FRAS1: variants seen among roughly 807,000 people sequenced by gnomAD.
The protein encoded by FRAS1 is Fraser extracellular matrix complex subunit 1, also known as extracellular matrix organizing protein FRAS1.
FRAS1 carries 290 observed loss-of-function variants against 435.2 expected under a neutral mutation model. The ratio of observed to expected loss-of-function variants is 0.67; its 90% confidence interval spans 0.61 to 0.73. FRAS1 has a LOEUF of 0.73. Among genes scored for constraint, FRAS1 ranks in the 30% least tolerant of loss-of-function variants. The probability of loss-of-function intolerance (pLI) is 0.00; values close to 1 mark genes in which losing one functional copy is unlikely to be tolerated. For synonymous variants in FRAS1, 1,800 were observed against 1,851.0 expected (o/e 0.97, Z 0.71); for missense variants, 4,860 against 5,001.5 (o/e 0.97, Z 0.85).
chr4:78,108,907 T>A (rs535966338), intron 2 of FRAS1, among the ~76,000 whole-genome samples: 2 of 118,762 alleles, frequency 1.7e-5, no homozygotes, highest in East Asian at 4.3e-4. Flanking sequence ...TAAAAAATGA[T>A]AAAGGGGATA....
intron 2 of FRAS1, among the ~76,000 whole-genome samples, chr4:78,151,426 C>T (rs1284526236): frequency 6.6e-6 from 1 of 152,076 alleles, no homozygotes; most frequent in Non-Finnish European, 1.5e-5. Flanking sequence ...CTCAGTGGAC[C>T]CTCTGTCTCA....
rs576736738 is a variant in FRAS1 at position 78,538,798 on chromosome 4, C to CA, written c.11299-489dup. Among the ~76,000 whole-genome samples, 202 of 151,848 alleles carry CA rather than the reference C, an allele frequency of 1.3e-3. 1 individual carries two copies. Among genetic ancestry groups the CA allele is most frequent in the African/African-American group, 4.3e-3 (179 of 41,438 alleles). On this transcript the variant is annotated intron_variant, in intron 72 of 73. Coordinates refer to ENST00000512123, the MANE Select transcript of FRAS1 (RefSeq NM_025074.7). ...TGAAACTCTGTCTTTACTAAAAATA[C>CA]AAAAAAATTAGCCTGGTGTGGTGGC... is the stretch of plus-strand genomic sequence containing the variant.
At chr4:78,449,252 C>T (rs920087622) in intron 44 of FRAS1, among the ~76,000 whole-genome samples, 1 of 152,130 alleles carries the variant, frequency 6.6e-6, no homozygotes, top group Non-Finnish European at 1.5e-5. Flanking sequence ...AGGGCCCAGA[C>T]AGACACTTTC....
chr4:78,398,131 C>A (rs1732747390), intron 29 of FRAS1, among the ~76,000 whole-genome samples: 1 of 152,112 alleles, frequency 6.6e-6, no homozygotes, highest in Non-Finnish European at 1.5e-5. Context: ...AATTATACTT[C>A]TTTTTCTTAG....
chr4:78,388,677 A>G (rs1000587590), intron 29 of FRAS1, among the ~76,000 whole-genome samples: 1 of 150,288 alleles, frequency 6.7e-6, no homozygotes, highest in Non-Finnish European at 1.5e-5. Context: ...GTGCAATGGC[A>G]TGCACCTATA....
chr4:78,491,481 A>G (rs1410003287), intron 59 of FRAS1, among the ~76,000 whole-genome samples: 5 of 152,240 alleles, frequency 3.3e-5, no homozygotes, highest in Admixed American at 1.3e-4. Context: ...CATCCCTGGG[A>G]TGCAAGGCTA....
chr4:78,322,841 T>G (rs1323986549), intron 18 of FRAS1, among the ~76,000 whole-genome samples: 1 of 152,208 alleles, frequency 6.6e-6, no homozygotes, highest in Non-Finnish European at 1.5e-5. Context: ...TGCCAGGCAT[T>G]TCTAGGCACT....
intron 29 of FRAS1, among the ~76,000 whole-genome samples, chr4:78,394,717 ATTTG>A (rs1220442696): frequency 1.3e-5 from 2 of 151,870 alleles, no homozygotes; most frequent in African/African-American, 4.8e-5. Flanking sequence ...GAATTTTAGG[ATTTG>A]TTTTTCTGTT....
intron 2 of FRAS1, among the ~76,000 whole-genome samples, chr4:78,225,468 G>A (rs998919714): frequency 6.6e-6 from 1 of 152,152 alleles, no homozygotes; most frequent in Admixed American, 6.5e-5. Context: ...CCAGAATCCA[G>A]GTTCTGACTC....
intron 2 of FRAS1, among the ~76,000 whole-genome samples, chr4:78,105,948 G>A (rs1196133420): frequency 7.4e-6 from 1 of 135,520 alleles, no homozygotes; most frequent in South Asian, 2.3e-4. Flanking sequence ...AGCGCAAGGG[G>A]TCAGGGAGTT....
chr4:78,503,110 G>A (rs1003686936), intron 61 of FRAS1, among the ~76,000 whole-genome samples: 2 of 152,086 alleles, frequency 1.3e-5, no homozygotes, highest in South Asian at 2.1e-4. Context: ...TGCTGGATTC[G>A]ATTCACCAGT....
intron 4 of FRAS1, among the ~76,000 whole-genome samples, chr4:78,248,273 G>A (rs111236875): frequency 0.011 from 1,624 of 152,286 alleles, 24 homozygotes; most frequent in African/African-American, 0.032. Context: ...TTTGTGCCTC[G>A]CCATGCCAAC....
intron 2 of FRAS1, among the ~76,000 whole-genome samples, chr4:78,124,844 TC>T (rs1719248071): frequency 6.6e-6 from 1 of 151,910 alleles, no homozygotes; most frequent in African/African-American, 2.4e-5. Context: ...TTTTTATGTT[TC>T]TTTTTTTATA....
intron 2 of FRAS1, among the ~76,000 whole-genome samples, chr4:78,165,225 T>C (rs556843177): frequency 3.9e-5 from 6 of 152,342 alleles, no homozygotes; most frequent in Middle Eastern, 3.4e-3. Context: ...TCATTGCCTC[T>C]TTCATGTAGT....
chr4:78,171,187 C>T (rs1157782639), intron 2 of FRAS1, among the ~76,000 whole-genome samples: 2 of 151,988 alleles, frequency 1.3e-5, no homozygotes, highest in African/African-American at 4.8e-5. Context: ...GGTAAGCAAT[C>T]TTTTGTTAAT....
At chr4:78,265,443 T>C (rs1384676876) in intron 7 of FRAS1, among the ~76,000 whole-genome samples, 5 of 152,218 alleles carry the variant, frequency 3.3e-5, no homozygotes, top group Non-Finnish European at 7.3e-5. Flanking sequence ...TGGATGTTTT[T>C]CTGCTTTGGT....
chr4:78,424,305 C>A (rs1733914424), intron 34 of FRAS1, 83 bp from the exon 35 acceptor site: 2 of 640,340 alleles, frequency 3.1e-6, no homozygotes. Flanking sequence ...GCTTCCTAAC[C>A]TCTGCCCTTT....
chr4:78,136,569 G>A (rs1157051293), intron 2 of FRAS1, among the ~76,000 whole-genome samples: 1 of 152,210 alleles, frequency 6.6e-6, no homozygotes, highest in Non-Finnish European at 1.5e-5. Context: ...TTTAGAGTTG[G>A]AAGCAACTTT....
rs368517715 is a variant in FRAS1, at chr4:78,337,620, C to T, written c.2279-54C>T. ...TTTGTGGAATGCATTAAATACTTCACGCATATACATGCTGAGCTGCTAATT... is the reference window on the plus strand; with the variant it reads ...TTTGTGGAATGCATTAAATACTTCATGCATATACATGCTGAGCTGCTAATT... On this transcript the variant is annotated intron_variant, in intron 19 of 73. Coordinates refer to ENST00000512123, the MANE Select transcript of FRAS1 (RefSeq NM_025074.7). 8.7e-5 allele frequency: 136 copies of T among 1,565,510 alleles called. No homozygotes were observed. The East Asian group carries it at 1.0e-3, about 12-fold the overall frequency.
Sources: allele counts gnomAD v4.1 joint callset (sites outside exome capture counted in the v4.1 genomes callset), GRCh38; gene constraint gnomAD v4.1.1; transcripts MANE v1.5; gene names NCBI Gene and HGNC (gene_info 2026-07-23, HGNC 2026-07-21).